PGR: variants seen among roughly 807,000 people sequenced by gnomAD.
The protein encoded by PGR is progesterone receptor, also known as nuclear receptor subfamily 3 group C member 3.
Under a neutral mutation model 76.1 loss-of-function variants are expected in PGR, and 25 were observed. The observed-to-expected ratio is 0.33, with a 90% confidence interval of 0.24 to 0.46. The LOEUF is 0.46. Ranked by LOEUF, PGR falls within the 20% of genes least tolerant of loss-of-function variation. The probability of loss-of-function intolerance (pLI) is 1.00; values close to 1 mark genes in which losing one functional copy is unlikely to be tolerated. For synonymous variants in PGR, 579 were observed against 535.0 expected (o/e 1.08, Z -1.14); for missense variants, 1,172 against 1,225.3 (o/e 0.96, Z 0.65).
At chr11:101,075,137 T>C (rs780277818) in intron 3 of PGR, among the ~76,000 whole-genome samples, 66 of 151,974 alleles carry the variant, frequency 4.3e-4, no homozygotes, top group Non-Finnish European at 8.5e-4. Flanking sequence ...TATAGACCAA[T>C]GAAGCAGAAC....
chr11:101,084,665 A>G (rs1300527295), intron 3 of PGR, among the ~76,000 whole-genome samples: 1 of 151,880 alleles, frequency 6.6e-6, no homozygotes, highest in African/African-American at 2.4e-5. Flanking sequence ...CTAAAAAAAA[A>G]AAAAAGTCAC....
At chr11:101,107,788 G>T (rs1862211003) in intron 2 of PGR, among the ~76,000 whole-genome samples, 1 of 144,238 alleles carries the variant, frequency 6.9e-6, no homozygotes, top group Non-Finnish European at 1.5e-5. Context: ...TTCAAATTCT[G>T]TTTAGGCATA....
In PGR at chr11:101,033,173, A is replaced by C. The variant is rs906395693; in HGVS notation, c.*5943T>G. The stretch of plus-strand genomic sequence containing the variant: ...TCAAAAGGAGATACTTTACTGGCTA[A>C]AGTGAAGAATTCTAAAGTCTGCCAT... On this transcript the variant is annotated 3_prime_UTR_variant, in exon 8 of 8. Transcript: ENST00000325455. 4.8e-6 allele frequency: 1 copy of C among 209,158 alleles called. No homozygotes were observed. The highest frequency in any genetic ancestry group is 9.7e-6 in the Non-Finnish European group (1 of 102,802). 13.0% of individuals were successfully genotyped at this position (209,158 alleles called of 1,614,324 possible). A position where few individuals can be genotyped will look rare whatever the true frequency, so the allele number is the denominator to read the frequency against.
intron 3 of PGR, among the ~76,000 whole-genome samples, chr11:101,090,942 T>G (rs2135455557): frequency 6.6e-6 from 1 of 152,346 alleles, no homozygotes; most frequent in Non-Finnish European, 1.5e-5. Flanking sequence ...GAACACAAGC[T>G]GTTTATAGTT....
intron 3 of PGR, among the ~76,000 whole-genome samples, chr11:101,090,251 G>C (rs11571185): frequency 0.017 from 2,661 of 152,156 alleles, 71 homozygotes; most frequent in African/African-American, 0.057. Context: ...AATTTCTCTA[G>C]GTTATATTGC....
chr11:101,128,314 C>G lies in PGR; in HGVS notation c.757G>C (p.Ala253Pro). 1.3e-6 allele frequency: 2 copies of G among 1,594,636 alleles called. No individual in the cohort carries two copies. Among genetic ancestry groups the G allele is most frequent in the East Asian group, 4.5e-5 (2 of 44,492 alleles). The change falls in exon 1 of 8, where the codon GCC (alanine) becomes CCC (proline). Residue 253 changes from alanine (A) to proline (P), a missense_variant. Physicochemically the swap from Ala to Pro is conservative, Grantham distance 27. Transcript: ENST00000325455. ...GCCGCCCCCGGCGGGACAGCCGCGG[C>G]TCCTCCTCCAGCCGCCGCGCCACCC... Reference protein sequence around the residue: ...ALGGAAAGGGAAAVPPGAAAG... With the variant: ...ALGGAAAGGGPAAVPPGAAAG...
chr11:101,117,420 A>G (rs1461584542), intron 2 of PGR, among the ~76,000 whole-genome samples: 2 of 152,198 alleles, frequency 1.3e-5, no homozygotes, highest in East Asian at 3.9e-4. Context: ...TATATGTTAC[A>G]GTTTCCTAAT....
At chr11:101,055,141 G>A (rs536575517) in intron 4 of PGR, among the ~76,000 whole-genome samples, 6 of 151,990 alleles carry the variant, frequency 3.9e-5, no homozygotes, top group South Asian at 4.2e-4. Context: ...TGGGCTGGGC[G>A]CAGTGGCTCA....
chr11:101,066,765 C>G (rs1257374136), intron 3 of PGR, among the ~76,000 whole-genome samples: 1 of 152,190 alleles, frequency 6.6e-6, no homozygotes, highest in Non-Finnish European at 1.5e-5. Flanking sequence ...CTTATTTTCT[C>G]ACCTCATATC....
At chr11:101,039,704 A>G (rs1859634890) in intron 7 of PGR, among the ~76,000 whole-genome samples, 1 of 152,036 alleles carries the variant, frequency 6.6e-6, no homozygotes, top group African/African-American at 2.4e-5. Flanking sequence ...AACATCGTTT[A>G]ATTTTTATCA....
rs11571179 is a variant in PGR, at chr11:101,091,836, G to A, written c.1830C>T (p.Ile610=). Residue 610 remains isoleucine (I), a synonymous_variant, in exon 3 of 8, where the codon ATC becomes ATT. Transcript: ENST00000325455. ...AGTTTTTTCTGCGGATTTTATCAAC[G>A]ATGCAGTCATTTCTTCCAGCACATA... The part of the protein sequence containing the change: ...NYLCAGRNDC[I]VDKIRRKNCP... 25 of 1,610,816 alleles carry A rather than the reference G, an allele frequency of 1.6e-5. No individual in the cohort carries two copies. The highest frequency in any genetic ancestry group is 1.2e-4 in the African/African-American group (9 of 74,826).
chr11:101,074,863 C>G (rs988469071), intron 3 of PGR, among the ~76,000 whole-genome samples: 5 of 151,986 alleles, frequency 3.3e-5, no homozygotes, highest in African/African-American at 1.2e-4. Flanking sequence ...GCTCATGGAT[C>G]AGAAGAATCA....
intron 3 of PGR, among the ~76,000 whole-genome samples, chr11:101,075,604 G>T (rs1210159424): frequency 1.7e-5 from 2 of 114,710 alleles, no homozygotes; most frequent in Non-Finnish European, 4.1e-5. Context: ...AAGCTACAAA[G>T]AATTTAAACA....
chr11:101,084,890 A>G (rs970131680), intron 3 of PGR, among the ~76,000 whole-genome samples: 1 of 152,224 alleles, frequency 6.6e-6, no homozygotes, highest in Non-Finnish European at 1.5e-5. Flanking sequence ...GCATAACGAT[A>G]AAGAGTTCAA....
intron 2 of PGR, among the ~76,000 whole-genome samples, chr11:101,094,626 T>C (rs567759124): frequency 9.2e-5 from 14 of 152,340 alleles, no homozygotes; most frequent in African/African-American, 3.1e-4. Context: ...ACTCAATATA[T>C]ACAAAATACA....
intron 2 of PGR, among the ~76,000 whole-genome samples, chr11:101,097,778 CTTTTTT>C (rs145454653): frequency 7.7e-6 from 1 of 129,796 alleles, no homozygotes. Flanking sequence ...AAGTGTTACT[CTTTTTT>C]TTTTTTTTTT....
chr11:101,061,815 C>T (rs1455007076), intron 4 of PGR, among the ~76,000 whole-genome samples: 2 of 152,008 alleles, frequency 1.3e-5, no homozygotes, highest in Non-Finnish European at 2.9e-5. Flanking sequence ...GCTGAGGGAG[C>T]AAAAATAGCT....
chr11:101,095,924 A>T (rs1355636588), intron 2 of PGR, among the ~76,000 whole-genome samples: 1 of 152,216 alleles, frequency 6.6e-6, no homozygotes, highest in Non-Finnish European at 1.5e-5. Context: ...AAATTGGGAA[A>T]TAAGACCCCA....
Position 101,038,995 on chromosome 11 carries a change from C to A in PGR, c.*121G>T. 1 of 688,498 alleles carries A rather than the reference C, an allele frequency of 1.5e-6. No individual in the cohort carries two copies. Among genetic ancestry groups the A allele is most frequent in the Non-Finnish European group, 2.5e-6 (1 of 401,284 alleles). 42.6% of individuals were successfully genotyped at this position (688,498 alleles called of 1,614,324 possible). A position where few individuals can be genotyped will look rare whatever the true frequency, so the allele number is the denominator to read the frequency against. The stretch of plus-strand genomic sequence containing the variant: ...ACAATTTTTCTTTTAAATTTACACA[C>A]TATGATGTTATAAATGTAAGGCTTT... On this transcript the variant is annotated 3_prime_UTR_variant, in exon 8 of 8. Transcript: ENST00000325455.
Sources: allele counts gnomAD v4.1 joint callset (sites outside exome capture counted in the v4.1 genomes callset), GRCh38; gene constraint gnomAD v4.1.1; transcripts MANE v1.5; gene names NCBI Gene and HGNC (gene_info 2026-07-23, HGNC 2026-07-21).